The following NTM variants were observed in gnomAD, a reference collection of about 807,000 sequenced individuals.
NTM encodes IgLON family member 2.
In NTM, 13 loss-of-function variants were observed where a neutral mutation model predicts 42.1. The ratio of observed to expected loss-of-function variants is 0.31; its 90% CI spans 0.20 to 0.49. The LOEUF is 0.49. Ranked by LOEUF, NTM falls within the 20% of genes least tolerant of loss-of-function variation. The pLI is 0.99. For synonymous variants in NTM, 187 were observed against 179.2 expected, an observed-to-expected ratio of 1.04 and a Z score of -0.35; for missense variants, 373 against 452.8, an observed-to-expected ratio of 0.82 and a Z score of 1.60.
At chr11:132,136,480 C>A (rs960049119) in intron 2 of NTM, among the ~76,000 whole-genome samples, 2 of 152,208 alleles carry the variant, frequency 1.3e-5, no homozygotes, top group Non-Finnish European at 2.9e-5. Context: ...TTGGATACAG[C>A]AGAGACTGTC....
Position 132,231,382 on chromosome 11 carries a change from C to T in NTM, c.526+19235C>T, listed in dbSNP as rs141063040. Among the ~76,000 whole-genome samples the T allele has an allele frequency of 6.7e-3, 1,017 of 152,332 alleles. 52 individuals are homozygous for T. Among genetic ancestry groups the T allele is most frequent in the Admixed American group, 0.055 (839 of 15,308 alleles). ...AAGTTTCCAGTGGATTTCAAAGCCT[C>T]ATAATTAACGTCCATTTAATAGCGA... On this transcript the variant is annotated intron_variant, in intron 4 of 8. Coordinates refer to ENST00000683400, the MANE Select transcript of NTM (RefSeq NM_001352005.2).
chr11:131,638,925 G>A (rs1033304720), intron 1 of NTM, among the ~76,000 whole-genome samples: 4 of 151,904 alleles, frequency 2.6e-5, no homozygotes, highest in Non-Finnish European at 5.9e-5. Flanking sequence ...GACTCATTAA[G>A]TGCTTACAGG....
At chr11:132,036,571 C>T (rs1319555904) in intron 2 of NTM, among the ~76,000 whole-genome samples, 1 of 152,104 alleles carries the variant, frequency 6.6e-6, no homozygotes, top group Non-Finnish European at 1.5e-5. Context: ...GTAACCTGCC[C>T]AATGTCACCA....
intron 3 of NTM, among the ~76,000 whole-genome samples, chr11:132,156,642 T>A (rs1317905936): frequency 6.6e-6 from 1 of 152,236 alleles, no homozygotes; most frequent in Non-Finnish European, 1.5e-5. Flanking sequence ...AATCTATCTG[T>A]AAAGTTTCTT....
chr11:131,409,006 C>T (rs914264537), intron 1 of NTM, among the ~76,000 whole-genome samples: 2 of 152,176 alleles, frequency 1.3e-5, no homozygotes, highest in African/African-American at 2.4e-5. Flanking sequence ...TGCCAAGCAC[C>T]GTGCCAGGCA....
At chr11:131,477,615 C>T (rs150122409) in intron 1 of NTM, among the ~76,000 whole-genome samples, 129 of 152,062 alleles carry the variant, frequency 8.5e-4, no homozygotes, top group African/African-American at 2.9e-3. Flanking sequence ...GTTCTCCTTA[C>T]TCTCTTCTAC....
At chr11:131,786,203 C>T (rs1018535649) in intron 1 of NTM, among the ~76,000 whole-genome samples, 4 of 152,176 alleles carry the variant, frequency 2.6e-5, no homozygotes, top group African/African-American at 9.7e-5. Context: ...ATTTTTAAGA[C>T]AGGTCTTGGA....
chr11:132,136,253 CT>C (rs1041326816), intron 2 of NTM, among the ~76,000 whole-genome samples: 4 of 152,208 alleles, frequency 2.6e-5, no homozygotes, highest in Non-Finnish European at 5.9e-5. Context: ...AGCAGCCTCT[CT>C]CCTTGGAGGA....
chr11:132,072,920 T>C (rs1432857666), intron 2 of NTM, among the ~76,000 whole-genome samples: 2 of 152,162 alleles, frequency 1.3e-5, no homozygotes, highest in African/African-American at 4.8e-5. Context: ...TCTGAGAGAA[T>C]AAGCTTTTGA....
In NTM at chr11:132,003,160, G is replaced by C. The variant is rs984374191; in HGVS notation, c.167+91512G>C. Reference sequence around the variant, plus strand: ...CACCCTAATGCTAGCCCGGTTCTGAGCCAGAGTTATTTCGCTCTGCCAGTG... The same window carrying C: ...CACCCTAATGCTAGCCCGGTTCTGACCCAGAGTTATTTCGCTCTGCCAGTG... On this transcript the variant is annotated intron_variant, in intron 2 of 8. Coordinates refer to ENST00000683400, the MANE Select transcript of NTM (RefSeq NM_001352005.2). This position sits in a 1 kb window ranked among gnomAD's most constrained non-coding sequence, Gnocchi z 6.0. Among the ~76,000 whole-genome samples, 1 of 151,976 alleles carries C rather than the reference G, an allele frequency of 6.6e-6. No individual in the cohort carries two copies. The highest frequency in any genetic ancestry group is 2.4e-5 in the African/African-American group (1 of 41,358).
intron 1 of NTM, among the ~76,000 whole-genome samples, chr11:131,837,102 A>C (rs558403768): frequency 1.3e-4 from 20 of 152,346 alleles, no homozygotes; most frequent in African/African-American, 4.6e-4. Context: ...GTACAGGAAA[A>C]CAAGTACATA....
At position 132,332,814 on chromosome 11, in the gene NTM, C is replaced by T. The variant is rs1486967356; in HGVS notation, c.968-2232C>T. ...CTGAACACCTGGCTGTGGCATTCTC[C>T]TCCCTGGAGGCTTCCACTGGCAGGT... On this transcript the variant is annotated intron_variant, in intron 8 of 8. Coordinates refer to ENST00000683400, the MANE Select transcript of NTM (RefSeq NM_001352005.2). 2.0e-5 allele frequency: 3 copies of T among 152,262 alleles called. 1 individual carries two copies. The highest frequency in any genetic ancestry group is 4.4e-5 in the Non-Finnish European group (3 of 68,102). The allele number at this position is 152,262 out of a possible 1,614,324, so 9.4% of individuals were successfully genotyped here.
At chr11:131,914,314 G>A (rs752570748) in intron 2 of NTM, among the ~76,000 whole-genome samples, 7 of 151,742 alleles carry the variant, frequency 4.6e-5, no homozygotes, top group Non-Finnish European at 7.4e-5. Flanking sequence ...TTCTTCTTCC[G>A]TTTGTTTTTT....
chr11:131,919,741 A>G, intron 2 of NTM, among the ~76,000 whole-genome samples: 1 of 43,634 alleles, frequency 2.3e-5, no homozygotes, highest in Non-Finnish European at 3.7e-5. Flanking sequence ...TCTATATATG[A>G]ATATATATGT....
intron 2 of NTM, among the ~76,000 whole-genome samples, chr11:132,142,569 G>A (rs1483081750): frequency 6.6e-6 from 1 of 152,190 alleles, no homozygotes; most frequent in African/African-American, 2.4e-5. Context: ...ATAGATGGGG[G>A]CAGGTGTGAG....
intron 1 of NTM, among the ~76,000 whole-genome samples, chr11:131,509,208 G>T (rs2047923339): frequency 1.3e-5 from 2 of 152,150 alleles, no homozygotes; most frequent in East Asian, 1.9e-4. Context: ...CAGATGGAAA[G>T]CTTCCCTAAT....
intron 4 of NTM, among the ~76,000 whole-genome samples, chr11:132,226,536 C>T (rs1268366497): frequency 1.5e-4 from 23 of 151,968 alleles, no homozygotes; most frequent in Admixed American, 5.9e-4. Context: ...TCATATCCTT[C>T]GCCCACTTTT....
At chr11:131,472,477 ATGTGTGTGAATG>A (rs1952525720) in intron 1 of NTM, among the ~76,000 whole-genome samples, 2 of 152,108 alleles carry the variant, frequency 1.3e-5, no homozygotes, top group South Asian at 2.1e-4. Context: ...CTGTGTGAGT[ATGTGTGTGAATG>A]TGTGTGTGTG....
intron 1 of NTM, among the ~76,000 whole-genome samples, chr11:131,394,807 T>G (rs1944378678): frequency 6.6e-6 from 1 of 152,150 alleles, no homozygotes; most frequent in Non-Finnish European, 1.5e-5. Flanking sequence ...TAATCATGGA[T>G]AAGTTGGTCA....
Sources: gnomAD v4.1 joint callset for allele counts (sites outside exome capture counted in the v4.1 genomes callset) on GRCh38, gnomAD v4.1.1 for gene constraint, Gnocchi (gnomAD v3.1) non-coding constraint, MANE v1.5 for transcripts, NCBI Gene and HGNC (gene_info 2026-07-23, HGNC 2026-07-21) for gene names.